Variants in COL4A6 observed in about 807,000 individuals in gnomAD.
COL4A6 encodes collagen alpha-6(IV) chain.
A neutral mutation model predicts 126.7 loss-of-function variants in COL4A6; 59 were observed. The observed-to-expected ratio is 0.47, with a 90% CI of 0.38 to 0.58. The LOEUF (loss-of-function observed/expected upper bound fraction) is 0.58, where lower values mean the gene tolerates loss of function less well. Among genes scored for constraint, COL4A6 ranks in the 20% least tolerant of loss-of-function variants. The probability of loss-of-function intolerance (pLI) is 0.00; values close to 1 mark genes in which losing one functional copy is unlikely to be tolerated. For synonymous variants in COL4A6, 547 were observed against 496.6 expected, an observed-to-expected ratio of 1.10 and a Z score of -1.35; for missense variants, 1,285 against 1,337.3, an observed-to-expected ratio of 0.96 and a Z score of 0.61.
At chrX:108,343,165 A>ATATATAGTGTGT (rs1377817612) in intron 2 of COL4A6, among the ~76,000 whole-genome samples, 8 of 31,408 alleles carry the variant, frequency 2.5e-4, no homozygotes, top group East Asian at 2.7e-3. Flanking sequence ...ATATATATAT[A>ATATATAGTGTGT]GTGTGTGTGT....
At chrX:108,372,568 G>A (rs188428066) in intron 2 of COL4A6, among the ~76,000 whole-genome samples, 2 of 111,930 alleles carry the variant, frequency 1.8e-5, no homozygotes, top group East Asian at 5.6e-4. Flanking sequence ...TTTTCTGGGA[G>A]GGATGTTGAG....
intron 3 of COL4A6, among the ~76,000 whole-genome samples, chrX:108,236,345 A>T (rs899140344): frequency 9.0e-6 from 1 of 111,163 alleles, no homozygotes; most frequent in East Asian, 2.8e-4. Flanking sequence ...AGGGGTTGTT[A>T]CGGGGGTGGG....
chrX:108,258,408 A>C (rs906567116), intron 3 of COL4A6, among the ~76,000 whole-genome samples: 1 of 111,797 alleles, frequency 8.9e-6, no homozygotes, highest in African/African-American at 3.2e-5. Context: ...CTAAAGAGTG[A>C]GTCTTCCAGT....
intron 3 of COL4A6, among the ~76,000 whole-genome samples, chrX:108,225,665 C>T (rs1350245494): frequency 8.9e-6 from 1 of 112,383 alleles, no homozygotes; most frequent in Non-Finnish European, 1.9e-5. Context: ...GGTAAAAGAC[C>T]CAGAAATGGG....
intron 2 of COL4A6, among the ~76,000 whole-genome samples, chrX:108,356,391 G>A (rs2039961732): frequency 9.0e-6 from 1 of 110,758 alleles, no homozygotes; most frequent in Non-Finnish European, 1.9e-5. Context: ...TGGGAGGGGA[G>A]GTGTTCAAAC....
upstream of COL4A6, chrX:108,438,504 A>T: frequency 2.1e-6 from 2 of 967,141 alleles, no homozygotes; most frequent in Non-Finnish European, 2.6e-6. Context: ...TACCTTGGGC[A>T]GCCGGTAGTC....
intron 2 of COL4A6, among the ~76,000 whole-genome samples, chrX:108,361,968 G>A (rs752718774): frequency 1.2e-3 from 137 of 111,520 alleles, no homozygotes; most frequent in African/African-American, 4.3e-3. Context: ...TATTGTTCTG[G>A]TTCCATTCCT....
intron 13 of COL4A6, among the ~76,000 whole-genome samples, chrX:108,198,621 C>T (rs2035293675): frequency 9.0e-6 from 1 of 110,694 alleles, no homozygotes; most frequent in South Asian, 3.9e-4. Flanking sequence ...GGACTGGCCC[C>T]GTGACAGTCA....
chrX:108,249,744 A>AT (rs905054305), intron 3 of COL4A6, among the ~76,000 whole-genome samples: 2 of 110,724 alleles, frequency 1.8e-5, no homozygotes, highest in Non-Finnish European at 3.8e-5. Flanking sequence ...GAGCATCAGG[A>AT]TTTTTTTTAA....
intron 2 of COL4A6, among the ~76,000 whole-genome samples, chrX:108,362,659 C>T (rs1212676642): frequency 8.9e-6 from 1 of 112,433 alleles, no homozygotes; most frequent in Non-Finnish European, 1.9e-5. Context: ...AGAACTCAGA[C>T]TATTAGACAG....
At chrX:108,366,554 C>T (rs1185803070) in intron 2 of COL4A6, among the ~76,000 whole-genome samples, 1 of 111,981 alleles carries the variant, frequency 8.9e-6, no homozygotes, top group East Asian at 2.8e-4. Context: ...AGGGGTTTCT[C>T]CCTGCCCCCT....
intron 13 of COL4A6, 24 bp from the exon 14 acceptor site, chrX:108,196,603 G>A: frequency 8.8e-7 from 1 of 1,141,438 alleles, no homozygotes; most frequent in Non-Finnish European, 1.2e-6. Context: ...GAAACCACAA[G>A]TTATAACGTT....
At chrX:108,408,131 T>G (rs1180021118) in intron 2 of COL4A6, among the ~76,000 whole-genome samples, 1 of 110,878 alleles carries the variant, frequency 9.0e-6, no homozygotes, top group Non-Finnish European at 1.9e-5. Flanking sequence ...GGCAATATAT[T>G]GAGAATTCAT....
chrX:108,306,493 G>A (rs1200391983), intron 3 of COL4A6, among the ~76,000 whole-genome samples: 1 of 111,540 alleles, frequency 9.0e-6, no homozygotes, highest in Non-Finnish European at 1.9e-5. Context: ...GATGTACATT[G>A]CAATTTCCTA....
At chrX:108,243,437 C>A (rs1228952306) in intron 3 of COL4A6, among the ~76,000 whole-genome samples, 1 of 111,076 alleles carries the variant, frequency 9.0e-6, no homozygotes, top group African/African-American at 3.3e-5. Flanking sequence ...AGAGTTCTCT[C>A]TTGCCATGTG....
rs1015986985 is a variant in COL4A6, at chrX:108,178,830, G to C, written c.2369C>G (p.Pro790Arg). The change falls in exon 27 of 45, where the codon CCT becomes CGT. Residue 790 changes from proline to arginine, a missense_variant. By Grantham distance (103) the Pro-to-Arg change is moderately radical. Coordinates refer to ENST00000334504, the MANE Select transcript of COL4A6 (RefSeq NM_033641.4). ...CTCACCTTTGGGGCCTAGTAAGCCA[G>C]GCTTCCCGTGCACACCTGATAAAAG... ...LPGLKGVHGK[P>R]GLLGPKGERG... is the part of the protein sequence containing the mutation. 2 of 1,208,159 alleles carry C rather than the reference G, an allele frequency of 1.7e-6. No individual in the cohort carries two copies. Among genetic ancestry groups the C allele is most frequent in the African/African-American group, 3.5e-5 (2 of 57,188 alleles).
intron 2 of COL4A6, among the ~76,000 whole-genome samples, chrX:108,424,592 T>G (rs992469345): frequency 4.5e-5 from 5 of 111,815 alleles, no homozygotes; most frequent in African/African-American, 1.6e-4. Flanking sequence ...CTGTAGCATT[T>G]TATTCTGTCT....
intron 13 of COL4A6, among the ~76,000 whole-genome samples, chrX:108,198,036 C>A (rs969139660): frequency 1.8e-5 from 2 of 111,653 alleles, no homozygotes; most frequent in African/African-American, 6.5e-5. Context: ...TGAGGTCAAA[C>A]GCTTCAGGAA....
intron 3 of COL4A6, among the ~76,000 whole-genome samples, chrX:108,309,668 T>G (rs1475351299): frequency 1.8e-5 from 2 of 111,046 alleles, no homozygotes; most frequent in Non-Finnish European, 3.8e-5. Flanking sequence ...TTTGAAAGTT[T>G]GGTTGACCTA....
Sources: gnomAD v4.1 joint callset for allele counts (sites outside exome capture counted in the v4.1 genomes callset) on GRCh38, gnomAD v4.1.1 for gene constraint, MANE v1.5 for transcripts, NCBI Gene and HGNC (gene_info 2026-07-23, HGNC 2026-07-21) for gene names.